Variants in PCBP2 observed in about 807,000 individuals in gnomAD.
PCBP2 encodes poly(rC) binding protein 2.
A neutral mutation model predicts 50.1 loss-of-function variants in PCBP2; 4 were observed. That is an observed-to-expected ratio of 0.08 (90% confidence interval 0.04 to 0.18). The LOEUF is 0.18. PCBP2 is among the 10% of genes least tolerant of loss of function. The probability of loss-of-function intolerance (pLI) is 1.00; values close to 1 mark genes in which losing one functional copy is unlikely to be tolerated. For missense variants in PCBP2, 161 were observed against 474.3 expected, an observed-to-expected ratio of 0.34 and a Z score of 6.14; for synonymous variants, 179 against 168.0, an observed-to-expected ratio of 1.07 and a Z score of -0.51.
chr12:53,478,791 G>A (rs1000988653), intron 14 of PCBP2, among the ~76,000 whole-genome samples: 17 of 150,720 alleles, frequency 1.1e-4, no homozygotes, highest in African/African-American at 4.1e-4. Flanking sequence ...GGGTGACAGA[G>A]CTAGACTCTG....
At chr12:53,467,685 T>G in intron 11 of PCBP2, 120 bp from the exon 12 acceptor site, 11 of 827,642 alleles carry the variant, frequency 1.3e-5, no homozygotes, top group South Asian at 1.3e-4. Flanking sequence ...GTAGTGTTTT[T>G]TTTGTTTTTG....
intron 1 of PCBP2, 76 bp downstream of exon 1, chr12:53,452,452 GGTCCTAGTCACGAGCCGCGGTCTCGC>G (rs1481364120): frequency 2.0e-5 from 3 of 150,884 alleles, no homozygotes; most frequent in African/African-American, 7.3e-5. Flanking sequence ...AGCCGGCTCG[GGTCCTAGTCACGAGCCGCGGTCTCGC>G]GTAGTCCCGC....
At chr12:53,466,612 G>A (rs974684664) in intron 10 of PCBP2, among the ~76,000 whole-genome samples, 1 of 152,108 alleles carries the variant, frequency 6.6e-6, no homozygotes, top group African/African-American at 2.4e-5. Flanking sequence ...GTTGAGTTTC[G>A]GTCTTGGTTA....
intron 1 of PCBP2, chr12:53,454,295 C>T (rs1474877413): frequency 6.5e-6 from 1 of 154,286 alleles, no homozygotes; most frequent in Non-Finnish European, 1.4e-5. Flanking sequence ...CATGTGTTCT[C>T]TCTAGTTTTC....
At chr12:53,473,598 A>T (rs1942381024) in intron 14 of PCBP2, among the ~76,000 whole-genome samples, 1 of 152,186 alleles carries the variant, frequency 6.6e-6, no homozygotes, top group Non-Finnish European at 1.5e-5. Flanking sequence ...CTCTTGGTAG[A>T]GTGGCTCTTT....
At chr12:53,464,989 C>A in intron 9 of PCBP2, 137 bp downstream of exon 9, 1 of 1,099,764 alleles carries the variant, frequency 9.1e-7, no homozygotes, top group Non-Finnish European at 1.2e-6. Flanking sequence ...CTGGACTGAC[C>A]CCCCCAACCT....
At chr12:53,467,170 C>T in intron 10 of PCBP2, 51 bp from the exon 11 acceptor site, 1 of 1,421,460 alleles carries the variant, frequency 7.0e-7, no homozygotes, top group Non-Finnish European at 9.9e-7. Flanking sequence ...TGTGCTTGAG[C>T]CCTGGCTCTG....
At chr12:53,478,909 T>C (rs1290238235) in intron 14 of PCBP2, among the ~76,000 whole-genome samples, 1 of 152,064 alleles carries the variant, frequency 6.6e-6, no homozygotes, top group Non-Finnish European at 1.5e-5. Context: ...TACCTCATAA[T>C]ACCCTACACA....
intron 14 of PCBP2, among the ~76,000 whole-genome samples, chr12:53,472,394 C>T (rs765353074): frequency 7.9e-5 from 12 of 152,190 alleles, no homozygotes; most frequent in Admixed American, 3.9e-4. Context: ...CCAATCTCAT[C>T]CCTTAATGAC....
chr12:53,471,307 C>T (rs1206316942), intron 13 of PCBP2, among the ~76,000 whole-genome samples: 44 of 148,906 alleles, frequency 3.0e-4, no homozygotes, highest in Middle Eastern at 6.9e-3. Flanking sequence ...GGGCCAGGTT[C>T]GGTGGCTTAT....
At chr12:53,460,886 AAG>A in intron 6 of PCBP2, 127 bp from the exon 7 acceptor site, 1 of 1,017,744 alleles carries the variant, frequency 9.8e-7, no homozygotes. Flanking sequence ...GAGTGGGACA[AAG>A]AACAAAAAGG....
At position 53,481,015 on chromosome 12, in the gene PCBP2, T is replaced by C. The variant is rs528499282; in HGVS notation, c.*1573T>C. 5.4e-4 allele frequency: 116 copies of C among 214,942 alleles called. No individual in the cohort carries two copies. Among genetic ancestry groups the C allele is most frequent in the Middle Eastern group, 1.7e-3 (1 of 578 alleles). 13.3% of individuals were successfully genotyped at this position (214,942 alleles called of 1,614,324 possible). On this transcript the variant is annotated 3_prime_UTR_variant, in exon 15 of 15. Transcript: ENST00000546463. ...TCATTTCCACAGCTGCCAGTGTCCCTAGAGTTTATCAGGTGAATTGGTCAG... is the reference window on the plus strand; with the variant it reads ...TCATTTCCACAGCTGCCAGTGTCCCCAGAGTTTATCAGGTGAATTGGTCAG...
intron 14 of PCBP2, among the ~76,000 whole-genome samples, chr12:53,472,081 G>C (rs1022628011): frequency 5.9e-5 from 9 of 152,132 alleles, no homozygotes; most frequent in African/African-American, 1.7e-4. Flanking sequence ...TCTTCAGTAA[G>C]AGTCCTCTGG....
At chr12:53,454,610 C>G (rs1940850589) in intron 1 of PCBP2, 116 bp from the exon 2 acceptor site, 2 of 601,072 alleles carry the variant, frequency 3.3e-6, no homozygotes, top group Non-Finnish European at 6.0e-6. Context: ...ATAAGTCTGA[C>G]ATACTGTCAT....
intron 6 of PCBP2, chr12:53,460,547 G>C (rs1453165581): frequency 9.7e-6 from 2 of 205,432 alleles, no homozygotes; most frequent in Non-Finnish European, 2.1e-5. Context: ...TCGAATGGCT[G>C]CTTGAGTTTT....
At chr12:53,463,128 C>T (rs1397639329) in intron 8 of PCBP2, among the ~76,000 whole-genome samples, 1 of 152,128 alleles carries the variant, frequency 6.6e-6, no homozygotes, top group Non-Finnish European at 1.5e-5. Flanking sequence ...GGTAAGAGTT[C>T]AGTGTGCAAG....
intron 14 of PCBP2, among the ~76,000 whole-genome samples, chr12:53,479,140 C>T (rs966825707): frequency 1.3e-5 from 2 of 152,100 alleles, no homozygotes; most frequent in African/African-American, 4.8e-5. Context: ...GGTTAGCCCA[C>T]CATGGAGGTG....
Position 53,454,778 on chromosome 12 carries a change from AG to A in PCBP2, c.-22del. On this transcript the variant is annotated 5_prime_UTR_variant, in exon 2 of 15. Transcript: ENST00000546463. ...CCAAAGACTTGACCACTCAAAGTCCAGCTCCCCAGAACACTGCTCGACATGG... is the reference window on the plus strand; with the variant it reads ...CCAAAGACTTGACCACTCAAAGTCCACTCCCCAGAACACTGCTCGACATGG... 6.2e-7 allele frequency: 1 copy of A among 1,611,048 alleles called. No individual in the cohort carries two copies. The highest frequency in any genetic ancestry group is 8.5e-7 in the Non-Finnish European group (1 of 1,177,226).
At chr12:53,452,538 C>A (rs950475496) in intron 1 of PCBP2, among the ~76,000 whole-genome samples, 162 bp downstream of exon 1, 69 of 151,652 alleles carry the variant, frequency 4.5e-4, no homozygotes, top group Non-Finnish European at 8.6e-4. Flanking sequence ...ACGCGAGGCC[C>A]TGGCTCTGGC....
Sources: gnomAD v4.1 joint callset for allele counts (sites outside exome capture counted in the v4.1 genomes callset) on GRCh38, gnomAD v4.1.1 for gene constraint, MANE v1.5 for transcripts, NCBI Gene and HGNC (gene_info 2026-07-23, HGNC 2026-07-21) for gene names.